The following CELSR1 variants were observed in gnomAD, a reference collection of about 807,000 sequenced individuals.
CELSR1 encodes the protein adhesion G protein-coupled receptor C1.
A neutral mutation model predicts 249.1 loss-of-function variants in CELSR1; 110 were observed. The ratio of observed to expected loss-of-function variants is 0.44; its 90% confidence interval spans 0.38 to 0.52. The LOEUF is 0.52. CELSR1 is among the 20% of genes least tolerant of loss of function. The pLI, the probability that CELSR1 is intolerant of heterozygous loss-of-function variation, is 0.00. For missense variants in CELSR1, 4,109 were observed against 4,296.4 expected, an observed-to-expected ratio of 0.96 and a Z score of 1.22; for synonymous variants, 2,113 against 1,900.0, an observed-to-expected ratio of 1.11 and a Z score of -2.92.
At chr22:46,508,318 G>A (rs1418842501) in intron 1 of CELSR1, among the ~76,000 whole-genome samples, 1 of 146,986 alleles carries the variant, frequency 6.8e-6, no homozygotes, top group African/African-American at 2.5e-5. Flanking sequence ...TTTGCCCCGG[G>A]AGGAAGGTGA....
chr22:46,465,813 C>T (rs1243304012), intron 1 of CELSR1, among the ~76,000 whole-genome samples: 1 of 152,240 alleles, frequency 6.6e-6, no homozygotes, highest in African/African-American at 2.4e-5. Flanking sequence ...CCCCAGTTCA[C>T]AGGTGAGGAA....
At position 46,396,537 on chromosome 22, in the gene CELSR1, C is replaced by A; in HGVS notation, c.5843+68G>T. On this transcript the variant is annotated intron_variant, in intron 13 of 34. Coordinates refer to ENST00000674500, the MANE Select transcript of CELSR1 (RefSeq NM_001378328.1). This position sits in a 1 kb window ranked among gnomAD's most constrained non-coding sequence, Gnocchi z 6.4. ...TTGGGTCAAAATAAGAAAGAGAAGA[C>A]ACTGAGTCGAGGGAACACAGCCACA... is the stretch of plus-strand genomic sequence containing the variant. The A allele has an allele frequency of 7.1e-7, 1 of 1,400,342 alleles. No homozygotes were observed. The highest frequency in any genetic ancestry group is 9.3e-7 in the Non-Finnish European group (1 of 1,070,002). 86.7% of individuals were successfully genotyped at this position (1,400,342 alleles called of 1,614,324 possible).
At chr22:46,422,639 C>T (rs939383149) in intron 5 of CELSR1, among the ~76,000 whole-genome samples, 11 of 151,114 alleles carry the variant, frequency 7.3e-5, no homozygotes, top group African/African-American at 1.2e-4. Context: ...TGGTGGTGGG[C>T]GCCTGTAGTC....
At position 46,411,547 on chromosome 22, in the gene CELSR1, G is replaced by A. The variant is rs550254128; in HGVS notation, c.4769+55C>T. The A allele has an allele frequency of 2.7e-5, 43 of 1,605,440 alleles. No homozygotes were observed. The African/African-American group carries it at 5.5e-4, about 20-fold the overall frequency. Reference sequence around the variant, plus strand: ...GGGCCCTGCCCTGGGAAGGCCGCAGGGTGAGCATGTTTGGGGGTACGGACC... The same window carrying A: ...GGGCCCTGCCCTGGGAAGGCCGCAGAGTGAGCATGTTTGGGGGTACGGACC... On this transcript the variant is annotated intron_variant, in intron 6 of 34. Transcript: ENST00000674500. The surrounding 1 kb of genome is among the most constrained non-coding windows in gnomAD (Gnocchi z 4.2).
In CELSR1 at chr22:46,423,534, G is replaced by A. The variant is rs2079502405; in HGVS notation, c.4611+9859C>T. Among the ~76,000 whole-genome samples the A allele has an allele frequency of 6.6e-6, 1 of 150,426 alleles. No homozygotes were observed. Among genetic ancestry groups the A allele is most frequent in the Non-Finnish European group, 1.5e-5 (1 of 67,834 alleles). On this transcript the variant is annotated intron_variant, in intron 5 of 34. Coordinates refer to ENST00000674500, the MANE Select transcript of CELSR1 (RefSeq NM_001378328.1). This position sits in a 1 kb window ranked among gnomAD's most constrained non-coding sequence, Gnocchi z 5.6. ...GCAGGAGAATTGCTTGAACCTGGGA[G>A]GCAGAGGTTGCGGTGAGCCGAGATC...
chr22:46,481,407 G>A (rs2080265040), intron 1 of CELSR1: 2 of 1,316,622 alleles, frequency 1.5e-6, no homozygotes, highest in Admixed American at 1.7e-5. Context: ...CCACACACTT[G>A]GTCACACCAC....
chr22:46,487,007 TC>T (rs1264618289), intron 1 of CELSR1, among the ~76,000 whole-genome samples: 26 of 149,938 alleles, frequency 1.7e-4, no homozygotes, highest in African/African-American at 6.2e-4. Flanking sequence ...GTGTGTCTGC[TC>T]CCGCCCCCTG....
Position 46,463,840 on chromosome 22 carries a change from G to C in CELSR1, c.4050C>G (p.Arg1350=). The C allele has an allele frequency of 6.2e-7, 1 of 1,611,864 alleles. No individual in the cohort carries two copies. Among genetic ancestry groups the C allele is most frequent in the Non-Finnish European group, 8.5e-7 (1 of 1,179,096 alleles). ...PIHPINGLRC[R]CPPGFTGDYC... is the part of the protein sequence containing the mutation. Reference sequence around the variant, plus strand: ...AGTCGCCGGTGAAGCCGGGCGGGCAGCGGCAGCGCAGGCCGTTGATGGGGT... The same window carrying C: ...AGTCGCCGGTGAAGCCGGGCGGGCACCGGCAGCGCAGGCCGTTGATGGGGT... The change falls in exon 2 of 35, where the codon CGC becomes CGG. Residue 1350 remains arginine, a synonymous_variant. Coordinates refer to ENST00000674500, the MANE Select transcript of CELSR1 (RefSeq NM_001378328.1).
In CELSR1 at chr22:46,393,174, A is replaced by C. The variant is rs2079111839; in HGVS notation, c.5964+968T>G. On this transcript the variant is annotated intron_variant, in intron 14 of 34. Coordinates refer to ENST00000674500, the MANE Select transcript of CELSR1 (RefSeq NM_001378328.1). The surrounding 1 kb of genome is among the most constrained non-coding windows in gnomAD (Gnocchi z 4.1). ...CCTCGCCCAGGCTCCTGTTACCCTC[A>C]GACCTAACATTTGGGTTTCAAGTCA... Among the ~76,000 whole-genome samples the C allele has an allele frequency of 6.6e-6, 1 of 152,136 alleles. No individual in the cohort carries two copies. The highest frequency in any genetic ancestry group is 1.9e-4 in the East Asian group (1 of 5,194).
At chr22:46,444,193 G>C (rs898844246) in intron 2 of CELSR1, among the ~76,000 whole-genome samples, 2 of 152,230 alleles carry the variant, frequency 1.3e-5, no homozygotes, top group African/African-American at 4.8e-5. Context: ...CCTCATCCGA[G>C]GGCTGGAAGA....
rs2079147489 is a variant in CELSR1, at chr22:46,396,393, G to A, written c.5843+212C>T. ...ATTGCACTCCAGCCTGGGTGACAGAGCAAGACTCTGTCTCAAAAAAATAAA... is the reference window on the plus strand; with the variant it reads ...ATTGCACTCCAGCCTGGGTGACAGAACAAGACTCTGTCTCAAAAAAATAAA... On this transcript the variant is annotated intron_variant, in intron 13 of 34. Transcript: ENST00000674500. The surrounding 1 kb of genome is among the most constrained non-coding windows in gnomAD (Gnocchi z 6.4). 6.6e-6 allele frequency among the ~76,000 whole-genome samples: 1 copy of A among 151,934 alleles called. No individual in the cohort carries two copies. Among genetic ancestry groups the A allele is most frequent in the Admixed American group, 6.6e-5 (1 of 15,240 alleles).
chr22:46,370,209 G>A (rs987715079), intron 25 of CELSR1: 6 of 450,914 alleles, frequency 1.3e-5, no homozygotes, highest in South Asian at 4.7e-5. Context: ...AAGGGATGAG[G>A]CTCCAAAACA....
chr22:46,417,829 A>C lies in CELSR1; in HGVS notation c.4612-6070T>G, dbSNP rs2079420756. Among the ~76,000 whole-genome samples, 1 of 152,118 alleles carries C rather than the reference A, an allele frequency of 6.6e-6. No homozygotes were observed. The highest frequency in any genetic ancestry group is 1.5e-5 in the Non-Finnish European group (1 of 68,042). ...TGCAGTGTCTGAGCTGGCGTGGCTG[A>C]TATTACTATCATCCTCATTCTCAAC... On this transcript the variant is annotated intron_variant, in intron 5 of 34. Coordinates refer to ENST00000674500, the MANE Select transcript of CELSR1 (RefSeq NM_001378328.1). The surrounding 1 kb of genome is among the most constrained non-coding windows in gnomAD (Gnocchi z 4.1).
intron 20 of CELSR1, among the ~76,000 whole-genome samples, chr22:46,384,033 C>A (rs1288367835): frequency 6.6e-6 from 1 of 152,060 alleles, no homozygotes; most frequent in African/African-American, 2.4e-5. Context: ...CTCGTGGGCT[C>A]AAGCAATTCT....
intron 1 of CELSR1, among the ~76,000 whole-genome samples, chr22:46,522,808 C>T (rs891885314): frequency 2.6e-5 from 4 of 152,222 alleles, no homozygotes; most frequent in African/African-American, 9.6e-5. Context: ...CCAGAGGGGG[C>T]CAGGCAGACC....
Position 46,436,068 on chromosome 22 carries a change from T to C in CELSR1, c.4522+106A>G, listed in dbSNP as rs6008826. 3.8e-6 allele frequency: 3 copies of C among 795,962 alleles called. No individual in the cohort carries two copies. The Admixed American group carries it at 6.6e-5, about 18-fold the overall frequency. The allele number at this position is 795,962 out of a possible 1,614,324, so 49.3% of individuals were successfully genotyped here. ...GCTTCCTAGACCTACAAGTGAGGGA[T>C]GAAAGGGTAAGCAGCTTGGAGGCGC... On this transcript the variant is annotated intron_variant, in intron 4 of 34. Coordinates refer to ENST00000674500, the MANE Select transcript of CELSR1 (RefSeq NM_001378328.1). This position sits in a 1 kb window ranked among gnomAD's most constrained non-coding sequence, Gnocchi z 5.9.
Position 46,422,448 on chromosome 22 carries a change from C to A in CELSR1, c.4612-10689G>T, listed in dbSNP as rs528731919. Among the ~76,000 whole-genome samples, 43 of 151,124 alleles carry A rather than the reference C, an allele frequency of 2.8e-4. No homozygotes were observed. The South Asian group carries it at 9.2e-3, about 32-fold the overall frequency. ...TAAACAGAATATTTAAAAGAAAAAA[C>A]CAGGGCCGGGCGCAGTGGCTCACAC... On this transcript the variant is annotated intron_variant, in intron 5 of 34. Coordinates refer to ENST00000674500, the MANE Select transcript of CELSR1 (RefSeq NM_001378328.1).
chr22:46,421,521 A>G (rs2147377504), intron 5 of CELSR1, among the ~76,000 whole-genome samples: 1 of 152,150 alleles, frequency 6.6e-6, no homozygotes, highest in South Asian at 2.1e-4. Context: ...CCACCTGACC[A>G]GGCCTGTGTT....
At position 46,391,921 on chromosome 22, in the gene CELSR1, G is replaced by A; in HGVS notation, c.5965-105C>T. ...TCCAGACTCCCACCCGGGTGTGTGTGTTGGCCGCCAGCCATCCCACCCCTC... is the reference window on the plus strand; with the variant it reads ...TCCAGACTCCCACCCGGGTGTGTGTATTGGCCGCCAGCCATCCCACCCCTC... On this transcript the variant is annotated intron_variant, in intron 14 of 34. Coordinates refer to ENST00000674500, the MANE Select transcript of CELSR1 (RefSeq NM_001378328.1). The surrounding 1 kb of genome is among the most constrained non-coding windows in gnomAD (Gnocchi z 4.3). 8.0e-7 allele frequency: 1 copy of A among 1,244,938 alleles called. No homozygotes were observed. The highest frequency in any genetic ancestry group is 1.1e-6 in the Non-Finnish European group (1 of 906,778). The allele number at this position is 1,244,938 out of a possible 1,614,324, so 77.1% of individuals were successfully genotyped here.
Sources: gnomAD v4.1 joint callset for allele counts (sites outside exome capture counted in the v4.1 genomes callset) on GRCh38, gnomAD v4.1.1 for gene constraint, Gnocchi (gnomAD v3.1) non-coding constraint, MANE v1.5 for transcripts, NCBI Gene and HGNC (gene_info 2026-07-23, HGNC 2026-07-21) for gene names.